SCN8A: variants seen among roughly 807,000 people sequenced by gnomAD.
The protein encoded by SCN8A is sodium channel protein type 8 subunit alpha.
Under a neutral mutation model 184.1 loss-of-function variants are expected in SCN8A, and 30 were observed. The ratio of observed to expected loss-of-function variants is 0.16; its 90% CI spans 0.12 to 0.22. SCN8A has a LOEUF of 0.22. Ranked by LOEUF, SCN8A falls within the 10% of genes least tolerant of loss-of-function variation. The probability of loss-of-function intolerance (pLI) is 1.00; values close to 1 mark genes in which losing one functional copy is unlikely to be tolerated. For missense variants in SCN8A, 1,057 were observed against 2,498.9 expected, an observed-to-expected ratio of 0.42 and a Z score of 12.30; for synonymous variants, 852 against 907.0, an observed-to-expected ratio of 0.94 and a Z score of 1.09.
rs1342125468 is a variant in SCN8A, at chr12:51,809,511, A to C, written c.*2082A>C. 1 of 152,236 alleles carries C rather than the reference A, an allele frequency of 6.6e-6. No individual in the cohort carries two copies. The highest frequency in any genetic ancestry group is 2.4e-5 in the African/African-American group (1 of 41,452). The allele number at this position is 152,236 out of a possible 1,614,324, so 9.4% of individuals were successfully genotyped here. ...CACTAGAAACTGTCCAGCTCTCTTA[A>C]GCCTGCTTCTGCAGCAGCATCCGTA... On this transcript the variant is annotated 3_prime_UTR_variant, in exon 27 of 27. Coordinates refer to ENST00000627620, the MANE Select transcript of SCN8A (RefSeq NM_001330260.2).
chr12:51,653,362 T>C (rs996109552), intron 1 of SCN8A, among the ~76,000 whole-genome samples: 2 of 152,214 alleles, frequency 1.3e-5, no homozygotes, highest in African/African-American at 2.4e-5. Flanking sequence ...TGATTACCCC[T>C]ATTCTGCTTT....
At chr12:51,670,038 T>G (rs984357865) in intron 2 of SCN8A, among the ~76,000 whole-genome samples, 57 of 152,242 alleles carry the variant, frequency 3.7e-4, no homozygotes, top group Non-Finnish European at 4.3e-4. Flanking sequence ...GTTAAAAATT[T>G]TTTCCCAACA....
At chr12:51,744,508 T>C (rs1003124585) in intron 12 of SCN8A, among the ~76,000 whole-genome samples, 1 of 152,116 alleles carries the variant, frequency 6.6e-6, no homozygotes, top group Non-Finnish European at 1.5e-5. Flanking sequence ...GAAATCGGTT[T>C]TTTTTTTCCT....
At chr12:51,804,826 G>A (rs1461114156) in intron 26 of SCN8A, among the ~76,000 whole-genome samples, 2 of 152,174 alleles carry the variant, frequency 1.3e-5, no homozygotes, top group Non-Finnish European at 2.9e-5. Flanking sequence ...TCAGCTCAGA[G>A]TTGAAAGTCA....
rs1319797809 is a variant in SCN8A, at chr12:51,808,525, T to G, written c.*1096T>G. 2.6e-5 allele frequency: 4 copies of G among 152,556 alleles called. No individual in the cohort carries two copies. In the East Asian group the frequency reaches 7.7e-4, roughly 29 times the overall value. 9.5% of individuals were successfully genotyped at this position (152,556 alleles called of 1,614,324 possible). ...CAAATCCTAGGGCTAAAAAAAAAAT[T>G]CATTTGTATCTTGCAATATTTATGA... On this transcript the variant is annotated 3_prime_UTR_variant, in exon 27 of 27. Transcript: ENST00000627620.
At chr12:51,781,656 G>A (rs768629451) in intron 21 of SCN8A, among the ~76,000 whole-genome samples, 6 of 151,050 alleles carry the variant, frequency 4.0e-5, no homozygotes, top group African/African-American at 9.9e-5. Flanking sequence ...GCACGCGCAC[G>A]CACGCGCACA....
At chr12:51,743,185 T>C (rs1469644153) in intron 12 of SCN8A, among the ~76,000 whole-genome samples, 1 of 152,212 alleles carries the variant, frequency 6.6e-6, no homozygotes, top group African/African-American at 2.4e-5. Context: ...AGGTCACATA[T>C]CTCTGTTTCT....
chr12:51,706,158 G>A (rs1285718755), intron 10 of SCN8A, among the ~76,000 whole-genome samples: 5 of 152,102 alleles, frequency 3.3e-5, no homozygotes, highest in Non-Finnish European at 7.4e-5. Flanking sequence ...GCTCAGAAGG[G>A]ATCCTCTGGT....
At chr12:51,790,830 T>C (rs879935166) in intron 25 of SCN8A, among the ~76,000 whole-genome samples, 3 of 152,194 alleles carry the variant, frequency 2.0e-5, no homozygotes, top group Non-Finnish European at 4.4e-5. Flanking sequence ...ATAAAGTTGC[T>C]CTCTTTCCTG....
At chr12:51,746,061 A>G in intron 13 of SCN8A, 26 bp downstream of exon 13, 1 of 1,563,098 alleles carries the variant, frequency 6.4e-7, no homozygotes, top group Non-Finnish European at 8.7e-7. Flanking sequence ...TGTCAGTCCA[A>G]CCGCTGAGAT....
At chr12:51,616,348 G>C (rs1939835977) in intron 1 of SCN8A, among the ~76,000 whole-genome samples, 1 of 152,004 alleles carries the variant, frequency 6.6e-6, no homozygotes, top group Non-Finnish European at 1.5e-5. Flanking sequence ...TGTTTCACTG[G>C]GCTAGGCCAG....
At chr12:51,669,578 C>T (rs965844750) in intron 2 of SCN8A, among the ~76,000 whole-genome samples, 10 of 152,202 alleles carry the variant, frequency 6.6e-5, no homozygotes, top group African/African-American at 2.4e-4. Context: ...GCCCAGAGGC[C>T]TCTTTTTCCT....
At chr12:51,776,511 A>G (rs901633376) in intron 20 of SCN8A, among the ~76,000 whole-genome samples, 2 of 152,198 alleles carry the variant, frequency 1.3e-5, no homozygotes, top group Admixed American at 1.3e-4. Context: ...ATAAGGAGAA[A>G]CAGAGGTTAT....
chr12:51,744,816 C>T (rs1942484337), intron 12 of SCN8A, among the ~76,000 whole-genome samples: 1 of 152,098 alleles, frequency 6.6e-6, no homozygotes, highest in African/African-American at 2.4e-5. Context: ...AACAGATGGG[C>T]TTTTTGATGT....
intron 2 of SCN8A, among the ~76,000 whole-genome samples, chr12:51,663,736 CT>C (rs1327158716): frequency 6.6e-6 from 1 of 152,084 alleles, no homozygotes; most frequent in Non-Finnish European, 1.5e-5. Flanking sequence ...GAGTTTCAAA[CT>C]TCCTGAACAA....
chr12:51,634,090 C>G (rs1940260228), intron 1 of SCN8A, among the ~76,000 whole-genome samples: 5 of 152,026 alleles, frequency 3.3e-5, no homozygotes. Context: ...ATCTTAGAGT[C>G]AAACAATGAA....
At chr12:51,786,412 T>C in intron 21 of SCN8A, 130 bp from the exon 22 acceptor site, 1 of 1,046,554 alleles carries the variant, frequency 9.6e-7, no homozygotes, top group South Asian at 1.5e-5. Context: ...GTCCAGTTAC[T>C]CTAATTCCAA....
intron 26 of SCN8A, 83 bp downstream of exon 26, chr12:51,794,724 GAC>G: frequency 1.4e-6 from 2 of 1,390,412 alleles, no homozygotes; most frequent in Non-Finnish European, 2.0e-6. Flanking sequence ...AGGAATGAAT[GAC>G]ACAGGTCTGA....
chr12:51,600,657 C>T (rs1939443758), intron 1 of SCN8A, among the ~76,000 whole-genome samples: 1 of 152,068 alleles, frequency 6.6e-6, no homozygotes, highest in South Asian at 2.1e-4. Flanking sequence ...AAAGGCAGAA[C>T]TCAGGGAGCT....
Sources: allele counts gnomAD v4.1 joint callset (sites outside exome capture counted in the v4.1 genomes callset), GRCh38; gene constraint gnomAD v4.1.1; transcripts MANE v1.5; gene names NCBI Gene and HGNC (gene_info 2026-07-23, HGNC 2026-07-21).